OSBPL11: variants seen among roughly 807,000 people sequenced by gnomAD.
OSBPL11 encodes the protein oxysterol-binding protein-related protein 11.
Under a neutral mutation model 84.4 loss-of-function variants are expected in OSBPL11, and 33 were observed. That is an observed-to-expected ratio of 0.39 (90% CI 0.30 to 0.52). The LOEUF (loss-of-function observed/expected upper bound fraction) is 0.52, where lower values mean the gene tolerates loss of function less well. Ranked by LOEUF, OSBPL11 falls within the 20% of genes least tolerant of loss-of-function variation. The probability of loss-of-function intolerance (pLI) is 0.72; values close to 1 mark genes in which losing one functional copy is unlikely to be tolerated. For missense variants in OSBPL11, 736 were observed against 901.1 expected (o/e 0.82, Z 2.35); for synonymous variants, 276 against 310.2 (o/e 0.89, Z 1.16).
chr3:125,559,526 T>C (rs1936042848), intron 8 of OSBPL11, among the ~76,000 whole-genome samples: 2 of 152,140 alleles, frequency 1.3e-5, no homozygotes, highest in Admixed American at 1.3e-4. Flanking sequence ...GTAGCTGGAC[T>C]ACAGGCCACC....
chr3:125,554,359 AG>A (rs1445037933), intron 8 of OSBPL11, among the ~76,000 whole-genome samples: 1 of 152,224 alleles, frequency 6.6e-6, no homozygotes, highest in African/African-American at 2.4e-5. Context: ...GGAGTCACCA[AG>A]TATGAGATGA....
rs1046205189 is a variant in OSBPL11 at position 125,560,382 on chromosome 3, T to C, written c.1152A>G (p.Thr384=). The change falls in exon 8 of 13, where the codon ACA becomes ACG. Residue 384 remains threonine, a synonymous_variant. Coordinates refer to ENST00000296220, the MANE Select transcript of OSBPL11 (RefSeq NM_022776.5). ...LSQLKLGMDL[T]RVVLPTFILE... ...GCCAGCTTATGCCATTACTTACTCT[T>C]GTTAAATCCATGCCCAGCTTAAGCT... 1 of 1,554,330 alleles carries C rather than the reference T, an allele frequency of 6.4e-7. No homozygotes were observed. The highest frequency in any genetic ancestry group is 1.4e-5 in the African/African-American group (1 of 73,830).
chr3:125,564,168 C>T (rs1375100487), intron 6 of OSBPL11, among the ~76,000 whole-genome samples: 1 of 152,172 alleles, frequency 6.6e-6, no homozygotes, highest in Non-Finnish European at 1.5e-5. Flanking sequence ...TGTCCCTCTA[C>T]TGATTAAAAA....
intron 10 of OSBPL11, 146 bp downstream of exon 10, chr3:125,547,260 G>T: frequency 1.4e-6 from 1 of 700,650 alleles, no homozygotes; most frequent in Non-Finnish European, 2.2e-6. Context: ...CTTTCAGAAT[G>T]CTTTAAAGAT....
At chr3:125,533,620 CAT>C (rs1355748914) in intron 11 of OSBPL11, among the ~76,000 whole-genome samples, 3 of 152,126 alleles carry the variant, frequency 2.0e-5, no homozygotes, top group Non-Finnish European at 2.9e-5. Flanking sequence ...AAATATGATA[CAT>C]GAGATGGCTC....
intron 11 of OSBPL11, among the ~76,000 whole-genome samples, chr3:125,536,556 T>G (rs1935642770): frequency 1.3e-5 from 2 of 152,250 alleles, no homozygotes; most frequent in African/African-American, 4.8e-5. Flanking sequence ...TTTTCTAAAA[T>G]TCTAATTTTG....
At chr3:125,535,754 C>T (rs1458874876) in intron 11 of OSBPL11, among the ~76,000 whole-genome samples, 1 of 151,322 alleles carries the variant, frequency 6.6e-6, no homozygotes, top group Non-Finnish European at 1.5e-5. Context: ...GGATTATAGG[C>T]GTGAGCCACC....
rs5852457 is a variant in OSBPL11, at chr3:125,585,545, A to AAAC, written c.165-2568_165-2567insGTT. Among the ~76,000 whole-genome samples, 485 of 151,026 alleles carry AAAC rather than the reference A, an allele frequency of 3.2e-3. 2 individuals are homozygous for AAAC. The Middle Eastern group carries it at 0.038, about 12-fold the overall frequency. On this transcript the variant is annotated intron_variant, in intron 1 of 12. Transcript: ENST00000296220. Reference sequence around the variant, plus strand: ...AAAGAGTTAGCTTTCTGAAAAAAAAAAAAACAAAACTATAAGGATATTGAC... The same window carrying AAAC: ...AAAGAGTTAGCTTTCTGAAAAAAAAAAACAAAACAAAACTATAAGGATATTGAC...
rs1253145906 is a variant in OSBPL11 at position 125,595,378 on chromosome 3, T to C, written c.-578A>G. On this transcript the variant is annotated 5_prime_UTR_variant, in exon 1 of 13. Transcript: ENST00000296220. ...GGACGCCGGCTCCCGGGGCCGCCTCTCCCAGGGCCAGAGGCGAGCCACTCG... is the reference window on the plus strand; with the variant it reads ...GGACGCCGGCTCCCGGGGCCGCCTCCCCCAGGGCCAGAGGCGAGCCACTCG... Among the ~76,000 whole-genome samples, 2 of 151,634 alleles carry C rather than the reference T, an allele frequency of 1.3e-5. No individual in the cohort carries two copies. Among genetic ancestry groups the C allele is most frequent in the Non-Finnish European group, 2.9e-5 (2 of 67,944 alleles).
At position 125,567,579 on chromosome 3, in the gene OSBPL11, T is replaced by C. The variant is rs1437901131; in HGVS notation, c.683A>G (p.Glu228Gly). 2.5e-6 allele frequency: 4 copies of C among 1,613,882 alleles called. No individual in the cohort carries two copies. In the African/African-American group the frequency reaches 4.0e-5, roughly 16 times the overall value. The stretch of plus-strand genomic sequence containing the variant: ...TCTAATTAAGTCTCTTTGTTGTCCT[T>C]CAGCATGAGACATCATCTAAGGAAA... ...VEVREMMSHA[E>G]GQQRDLIRRI... Residue 228 changes from glutamate to glycine, a missense_variant, in exon 6 of 13, where the codon GAA (glutamate) becomes GGA (glycine). Transcript: ENST00000296220.
chr3:125,538,750 C>A (rs1201470956), intron 10 of OSBPL11, 117 bp from the exon 11 acceptor site: 1 of 782,982 alleles, frequency 1.3e-6, no homozygotes, highest in Non-Finnish European at 2.0e-6. Flanking sequence ...ATATACCTCA[C>A]TTCAATATGT....
In OSBPL11 at chr3:125,547,593, C is replaced by T. The variant is rs1285081986; in HGVS notation, c.1655-1G>A. ...CCATGCTCCAACAGACTAAGGATAC[C>T]TGAATGTGAAAACATGAGGGTGGTT... On this transcript the variant is annotated splice_acceptor_variant, in intron 9 of 12. Transcript: ENST00000296220. LOFTEE classifies it high-confidence loss of function. 6.3e-7 allele frequency: 1 copy of T among 1,583,816 alleles called. No individual in the cohort carries two copies. Among genetic ancestry groups the T allele is most frequent in the African/African-American group, 1.4e-5 (1 of 73,878 alleles).
At chr3:125,594,543 A>C (rs2107616609) in intron 1 of OSBPL11, 94 bp downstream of exon 1, 1 of 1,449,504 alleles carries the variant, frequency 6.9e-7, no homozygotes, top group Non-Finnish European at 9.3e-7. Flanking sequence ...CCAGTGAAAA[A>C]ACTTTTATCT....
intron 1 of OSBPL11, among the ~76,000 whole-genome samples, chr3:125,591,209 C>T (rs375927909): frequency 2.4e-4 from 36 of 152,326 alleles, no homozygotes; most frequent in South Asian, 2.1e-3. Context: ...TCCCCAAGTC[C>T]GTTTTCCCCT....
Position 125,530,498 on chromosome 3 carries a change from GT to G in OSBPL11, c.*16del, listed in dbSNP as rs746946090. 1.9e-6 allele frequency: 3 copies of G among 1,610,676 alleles called. No homozygotes were observed. The Admixed American group carries it at 5.0e-5, about 27-fold the overall frequency. On this transcript the variant is annotated 3_prime_UTR_variant, in exon 13 of 13. Transcript: ENST00000296220. ...ACAGAGAAGAACCTCATTTGGTCGA[GT>G]TTTAGATAGTATGTGTCACTCTGCT...
intron 10 of OSBPL11, among the ~76,000 whole-genome samples, chr3:125,546,901 C>CAA (rs34621695): frequency 1.4e-5 from 2 of 140,668 alleles, no homozygotes; most frequent in Admixed American, 1.4e-4. Context: ...AAACAAATGA[C>CAA]AAAAAAAAAA....
chr3:125,595,286 C>G lies in OSBPL11; in HGVS notation c.-486G>C, dbSNP rs1252295244. ...GCTCGGCAGTTCCCGCCGCAGCCCC[C>G]GAGATACAGCCAGGGCCGGCGCGCG... On this transcript the variant is annotated 5_prime_UTR_variant, in exon 1 of 13. Transcript: ENST00000296220. Among the ~76,000 whole-genome samples the G allele has an allele frequency of 2.0e-5, 3 of 152,162 alleles. No homozygotes were observed. The highest frequency in any genetic ancestry group is 4.8e-5 in the African/African-American group (2 of 41,452).
intron 12 of OSBPL11, among the ~76,000 whole-genome samples, chr3:125,531,109 G>A (rs2107584349): frequency 6.6e-6 from 1 of 151,522 alleles, no homozygotes; most frequent in South Asian, 2.1e-4. Context: ...AGCCTCCCAA[G>A]TAGCTGGGAT....
chr3:125,577,987 A>G (rs1224952836), intron 4 of OSBPL11, among the ~76,000 whole-genome samples: 1 of 152,218 alleles, frequency 6.6e-6, no homozygotes, highest in South Asian at 2.1e-4. Flanking sequence ...CAGACCCTAG[A>G]GAAATGAAAT....
Sources: gnomAD v4.1 joint callset for allele counts (sites outside exome capture counted in the v4.1 genomes callset) on GRCh38, gnomAD v4.1.1 for gene constraint, MANE v1.5 for transcripts, NCBI Gene and HGNC (gene_info 2026-07-23, HGNC 2026-07-21) for gene names.